Variants in FKBP1B observed in about 807,000 individuals in gnomAD.
FKBP1B encodes the protein peptidyl-prolyl cis-trans isomerase FKBP1B.
Under a neutral mutation model 13.5 loss-of-function variants are expected in FKBP1B, and 4 were observed. That is an observed-to-expected ratio of 0.30 (90% CI 0.15 to 0.68). FKBP1B has a LOEUF of 0.68. Among genes scored for constraint, FKBP1B ranks in the 30% least tolerant of loss-of-function variants. FKBP1B has a pLI of 0.76. For synonymous variants in FKBP1B, 54 were observed against 53.6 expected (o/e 1.01, Z -0.03); for missense variants, 93 against 136.2 (o/e 0.68, Z 1.58).
upstream of FKBP1B, among the ~76,000 whole-genome samples, chr2:24,045,600 CAAAAAAAA>C (rs869243363): frequency 5.1e-4 from 33 of 64,400 alleles, no homozygotes; most frequent in East Asian, 1.2e-3. Context: ...GACTCCATCT[CAAAAAAAA>C]AAAAAAAAAA....
At chr2:24,055,900 G>C (rs1180805671) in intron 2 of FKBP1B, among the ~76,000 whole-genome samples, 1 of 152,172 alleles carries the variant, frequency 6.6e-6, no homozygotes, top group African/African-American at 2.4e-5. Flanking sequence ...TTCCAAAGTC[G>C]TTGTGCCAGT....
upstream of FKBP1B, chr2:24,049,419 T>G: frequency 5.8e-6 from 1 of 170,976 alleles, no homozygotes; most frequent in Non-Finnish European, 1.3e-5. Context: ...CCTTTGCCCC[T>G]TCTGCCCCCC....
chr2:24,063,464 ACACAGATCTC>A lies in FKBP1B; in HGVS notation c.*273_*282del. The A allele has an allele frequency of 2.8e-6, 1 of 357,238 alleles. No individual in the cohort carries two copies. Among genetic ancestry groups the A allele is most frequent in the South Asian group, 8.9e-5 (1 of 11,238 alleles). The allele number at this position is 357,238 out of a possible 1,614,324, so 22.1% of individuals were successfully genotyped here. A position where few individuals can be genotyped will look rare whatever the true frequency, so the allele number is the denominator to read the frequency against. ...TGTAGTAGCCTTTCCTGATGACAGA[ACACAGATCTC>A]TTGTTCGCACAATCTACACTGCCTT... On this transcript the variant is annotated 3_prime_UTR_variant, in exon 4 of 4. Coordinates refer to ENST00000380986, the MANE Select transcript of FKBP1B (RefSeq NM_004116.5).
Position 24,049,786 on chromosome 2 carries a change from C to T in FKBP1B, c.-64C>T. On this transcript the variant is annotated 5_prime_UTR_variant, in exon 1 of 4. Transcript: ENST00000380986. ...AGCCGGAGCGACGGCGGGGCTGGGGCCGGAGCCGAGCCGGGGTCGGGCAGC... is the reference window on the plus strand; with the variant it reads ...AGCCGGAGCGACGGCGGGGCTGGGGTCGGAGCCGAGCCGGGGTCGGGCAGC... 3 of 1,281,204 alleles carry T rather than the reference C, an allele frequency of 2.3e-6. No individual in the cohort carries two copies. Among genetic ancestry groups the T allele is most frequent in the Non-Finnish European group, 3.0e-6 (3 of 1,002,120 alleles). 79.4% of individuals were successfully genotyped at this position (1,281,204 alleles called of 1,614,324 possible).
At chr2:24,035,963 G>A in the FKBP1B span, among the ~76,000 whole-genome samples, 1 of 151,622 alleles carries the variant, frequency 6.6e-6, no homozygotes, top group East Asian at 1.9e-4. Flanking sequence ...CAGCTACTTG[G>A]GAGGCTGAGG....
the FKBP1B span, among the ~76,000 whole-genome samples, chr2:24,041,195 C>T: frequency 2.6e-4 from 40 of 151,420 alleles, no homozygotes; most frequent in African/African-American, 8.2e-4. Flanking sequence ...AAAAATTAGC[C>T]GGGCATGGTG....
upstream of FKBP1B, chr2:24,045,730 T>C (rs555047247): frequency 3.3e-5 from 5 of 151,596 alleles, no homozygotes; most frequent in African/African-American, 1.2e-4. Flanking sequence ...CCCAGCACTT[T>C]GGGAGGCTGA....
At position 24,053,961 on chromosome 2, in the gene FKBP1B, C is replaced by G. The variant is rs1558343838; in HGVS notation, c.85+12C>G. 6.2e-7 allele frequency: 1 copy of G among 1,613,582 alleles called. No individual in the cohort carries two copies. Among genetic ancestry groups the G allele is most frequent in the East Asian group, 2.2e-5 (1 of 44,888 alleles). ...GGTGCACTACACAGGTAAGTCTCAC[C>G]CCCTCAGCCCCCACCCAGTCCTTCC... On this transcript the variant is annotated intron_variant, in intron 2 of 3. Transcript: ENST00000380986.
In FKBP1B at chr2:24,054,013, G is replaced by C. The variant is rs1428036580; in HGVS notation, c.85+64G>C. 30 of 1,506,810 alleles carry C rather than the reference G, an allele frequency of 2.0e-5. No individual in the cohort carries two copies. The Admixed American group carries it at 2.7e-4, about 13-fold the overall frequency. The allele number at this position is 1,506,810 out of a possible 1,614,324, so 93.3% of individuals were successfully genotyped here. Reference sequence around the variant, plus strand: ...CTCCCAAGGCAGGGCTGTCCTCTGAGCTTCTCTCCAGAGGTGCCTGCCTCT... The same window carrying C: ...CTCCCAAGGCAGGGCTGTCCTCTGACCTTCTCTCCAGAGGTGCCTGCCTCT... On this transcript the variant is annotated intron_variant, in intron 2 of 3. Transcript: ENST00000380986.
the FKBP1B span, chr2:24,033,385 G>A: frequency 2.2e-5 from 5 of 230,150 alleles, no homozygotes; most frequent in Non-Finnish European, 3.6e-5. Context: ...AACAAACCAT[G>A]GTCAAAATTC....
chr2:24,039,099 A>C, the FKBP1B span: 2 of 1,614,244 alleles, frequency 1.2e-6, no homozygotes, highest in Non-Finnish European at 1.7e-6. Context: ...CATCCTGAGC[A>C]GTCAACACAG....
the FKBP1B span, among the ~76,000 whole-genome samples, chr2:24,035,294 A>G: frequency 6.6e-6 from 1 of 152,066 alleles, no homozygotes; most frequent in Admixed American, 6.5e-5. Context: ...ATGGAAAATG[A>G]AAAGGTGTGT....
chr2:24,047,488 G>C (rs1034921082), upstream of FKBP1B: 2 of 152,042 alleles, frequency 1.3e-5, no homozygotes, highest in African/African-American at 4.8e-5. Context: ...GGATAGGCAC[G>C]CTCCGAGATG....
the FKBP1B span, chr2:24,038,142 G>A: frequency 7.4e-6 from 12 of 1,614,086 alleles, no homozygotes; most frequent in Admixed American, 8.3e-5. Flanking sequence ...ACGGAGCACT[G>A]AAAGTAGAGT....
At chr2:24,039,768 A>G in the FKBP1B span, among the ~76,000 whole-genome samples, 2 of 152,120 alleles carry the variant, frequency 1.3e-5, no homozygotes, top group Admixed American at 6.6e-5. Context: ...TATGGAATGG[A>G]TATCAGAAAA....
chr2:24,052,855 T>G (rs538708100), intron 1 of FKBP1B, among the ~76,000 whole-genome samples: 2 of 151,962 alleles, frequency 1.3e-5, no homozygotes, highest in African/African-American at 4.8e-5. Context: ...CTTGCAGTAC[T>G]AGCTACTCAG....
At chr2:24,056,029 G>A (rs1558345236) in intron 2 of FKBP1B, among the ~76,000 whole-genome samples, 1 of 152,086 alleles carries the variant, frequency 6.6e-6, no homozygotes. Context: ...AGTCTATGTT[G>A]CCCAGGCTGG....
rs1186984392 is a variant in FKBP1B, at chr2:24,054,248, G to C, written c.85+299G>C. 1.9e-5 allele frequency: 11 copies of C among 577,022 alleles called. 1 individual carries two copies. The highest frequency in any genetic ancestry group is 1.6e-4 in the South Asian group (8 of 50,110). The allele number at this position is 577,022 out of a possible 1,614,324, so 35.7% of individuals were successfully genotyped here. On this transcript the variant is annotated intron_variant, in intron 2 of 3. Coordinates refer to ENST00000380986, the MANE Select transcript of FKBP1B (RefSeq NM_004116.5). ...CTGTTGCAGGTATGGTGGAGCCCCT[G>C]TCCCTGCTGGGTCTGTCTGATATTT...
intron 2 of FKBP1B, among the ~76,000 whole-genome samples, chr2:24,060,342 A>C (rs1264250228): frequency 6.6e-6 from 1 of 152,252 alleles, no homozygotes; most frequent in South Asian, 2.1e-4. Context: ...CCTGCAGTTC[A>C]GGAGTTCAAG....
Sources: gnomAD v4.1 joint callset for allele counts (sites outside exome capture counted in the v4.1 genomes callset) on GRCh38, gnomAD v4.1.1 for gene constraint, MANE v1.5 for transcripts, NCBI Gene and HGNC (gene_info 2026-07-23, HGNC 2026-07-21) for gene names.